RNF2: variants seen among roughly 807,000 people sequenced by gnomAD.
RNF2 encodes the protein ring finger protein 2.
RNF2 carries 6 observed loss-of-function variants against 37.2 expected under a neutral mutation model. The ratio of observed to expected loss-of-function variants is 0.16; its 90% confidence interval spans 0.09 to 0.32. The LOEUF is 0.32. Ranked by LOEUF, RNF2 falls within the 10% of genes least tolerant of loss-of-function variation. The pLI is 1.00. For missense variants in RNF2, 251 were observed against 404.0 expected (o/e 0.62, Z 3.25); for synonymous variants, 133 against 132.7 (o/e 1.00, Z -0.02).
rs3036553 is a variant in RNF2, at chr1:185,082,345, C to CTTTTTTTTTTTT, written c.-2-5196_-2-5185dup. Among the ~76,000 whole-genome samples the CTTTTTTTTTTTT allele has an allele frequency of 5.0e-3, 363 of 71,944 alleles. 61 individuals carry two copies. Among genetic ancestry groups the CTTTTTTTTTTTT allele is most frequent in the South Asian group, 0.01 (20 of 1,930 alleles). 47.2% of individuals were successfully genotyped at this position (71,944 alleles called of 152,430 possible). Reference sequence around the variant, plus strand: ...CAAGGTTCTTGTCTCCTCTGCAGAACTTTTTTTTTTTTTTTTTTTTTTGAA... The same window carrying CTTTTTTTTTTTT: ...CAAGGTTCTTGTCTCCTCTGCAGAACTTTTTTTTTTTTTTTTTTTTTTTTTTTTTTTTTTGAA... On this transcript the variant is annotated intron_variant, in intron 1 of 6. Coordinates refer to ENST00000367510, the MANE Select transcript of RNF2 (RefSeq NM_007212.4).
At chr1:185,092,072 A>G (rs994701263) in intron 3 of RNF2, 2 of 184,792 alleles carry the variant, frequency 1.1e-5, no homozygotes, top group African/African-American at 4.8e-5. Context: ...CAGGTAATCC[A>G]CCCGCCTCAG....
intron 1 of RNF2, among the ~76,000 whole-genome samples, chr1:185,082,454 G>A (rs547938678): frequency 6.0e-5 from 9 of 149,344 alleles, no homozygotes; most frequent in African/African-American, 1.2e-4. Flanking sequence ...AGGTTCAAGC[G>A]ATCCTCCTGC....
At chr1:185,059,788 T>C (rs1227959838) in intron 1 of RNF2, among the ~76,000 whole-genome samples, 1 of 152,232 alleles carries the variant, frequency 6.6e-6, no homozygotes, top group Non-Finnish European at 1.5e-5. Flanking sequence ...ATGAAAATTA[T>C]ATTTTTATCT....
At chr1:185,050,819 C>T (rs541646978) in intron 1 of RNF2, among the ~76,000 whole-genome samples, 2 of 152,318 alleles carry the variant, frequency 1.3e-5, no homozygotes, top group Admixed American at 1.3e-4. Flanking sequence ...TTTTGACAGG[C>T]ATTCCTTTTG....
At chr1:185,054,374 C>T (rs1205527017) in intron 1 of RNF2, among the ~76,000 whole-genome samples, 1 of 152,166 alleles carries the variant, frequency 6.6e-6, no homozygotes, top group African/African-American at 2.4e-5. Context: ...GCATCAGAAG[C>T]GACTCCGGAG....
chr1:185,055,846 C>A lies in RNF2; in HGVS notation c.-3+10197C>A, dbSNP rs1457695353. On this transcript the variant is annotated intron_variant, in intron 1 of 6. Coordinates refer to ENST00000367510, the MANE Select transcript of RNF2 (RefSeq NM_007212.4). ...ATGAACCTATCCTTTTGTCCTTGAT[C>A]TTAAAATTTTTAGTTAGCATATTTG... Among the ~76,000 whole-genome samples, 3 of 149,728 alleles carry A rather than the reference C, an allele frequency of 2.0e-5. No homozygotes were observed. In the East Asian group the frequency reaches 6.3e-4, roughly 31 times the overall value.
chr1:185,089,108 A>G (rs985700153), intron 2 of RNF2, among the ~76,000 whole-genome samples: 22 of 152,168 alleles, frequency 1.4e-4, no homozygotes, highest in African/African-American at 5.3e-4. Context: ...TCAGATCATC[A>G]GGCATTAGAT....
At chr1:185,090,930 T>A (rs987701993) in intron 2 of RNF2, among the ~76,000 whole-genome samples, 1 of 152,264 alleles carries the variant, frequency 6.6e-6, no homozygotes, top group African/African-American at 2.4e-5. Context: ...CAATACATTT[T>A]ATACTTTGGA....
chr1:185,093,302 G>T (rs1277153078), intron 4 of RNF2, 26 bp downstream of exon 4: 1 of 1,596,626 alleles, frequency 6.3e-7, no homozygotes, highest in East Asian at 2.3e-5. Flanking sequence ...GGTCAGAGAG[G>T]GTAGCTGTTT....
intron 1 of RNF2, among the ~76,000 whole-genome samples, chr1:185,074,517 A>C (rs1041029597): frequency 6.6e-5 from 10 of 152,182 alleles, no homozygotes; most frequent in African/African-American, 2.4e-4. Context: ...TATGAATAAG[A>C]AAAGTGGCTC....
Position 185,100,076 on chromosome 1 carries a change from A to G in RNF2, c.909+114A>G, listed in dbSNP as rs1249010406. ...AATGTAAAAAACCGTAACAGTGTTA[A>G]GTGACAAGTAGTTATTCCTAAGATT... is the stretch of plus-strand genomic sequence containing the variant. On this transcript the variant is annotated intron_variant, in intron 6 of 6. Transcript: ENST00000367510. 3.3e-6 allele frequency: 4 copies of G among 1,199,744 alleles called. No homozygotes were observed. The Admixed American group carries it at 9.6e-5, about 29-fold the overall frequency. The allele number at this position is 1,199,744 out of a possible 1,614,324, so 74.3% of individuals were successfully genotyped here. A position where few individuals can be genotyped will look rare whatever the true frequency, so the allele number is the denominator to read the frequency against.
At chr1:185,069,152 A>G (rs1245422986) in intron 1 of RNF2, among the ~76,000 whole-genome samples, 1 of 152,084 alleles carries the variant, frequency 6.6e-6, no homozygotes, top group Admixed American at 6.6e-5. Context: ...TTTCACCTAT[A>G]CTATTGAAAA....
At chr1:185,081,131 T>C (rs1048764366) in intron 1 of RNF2, among the ~76,000 whole-genome samples, 4 of 152,202 alleles carry the variant, frequency 2.6e-5, no homozygotes, top group Admixed American at 2.6e-4. Flanking sequence ...AAAACTAGGC[T>C]CAAACACATC....
At chr1:185,056,619 C>T (rs1010429175) in intron 1 of RNF2, among the ~76,000 whole-genome samples, 1 of 152,166 alleles carries the variant, frequency 6.6e-6, no homozygotes, top group African/African-American at 2.4e-5. Flanking sequence ...GATCCTCCCT[C>T]CTTGGCCTCC....
intron 6 of RNF2, 36 bp downstream of exon 6, chr1:185,099,998 A>C (rs1309260220): frequency 6.3e-7 from 1 of 1,579,822 alleles, no homozygotes; most frequent in Admixed American, 1.7e-5. Context: ...TGAAACTGGG[A>C]GCACACTGAC....
chr1:185,068,725 G>T (rs1348107859), intron 1 of RNF2, among the ~76,000 whole-genome samples: 2 of 152,192 alleles, frequency 1.3e-5, no homozygotes, highest in Non-Finnish European at 2.9e-5. Flanking sequence ...CTTCAAATTT[G>T]TGATAATGTT....
At chr1:185,050,894 T>A (rs1321005067) in intron 1 of RNF2, among the ~76,000 whole-genome samples, 1 of 152,246 alleles carries the variant, frequency 6.6e-6, no homozygotes, top group Non-Finnish European at 1.5e-5. Flanking sequence ...AATCTCAAGG[T>A]ATTTCGGTGT....
chr1:185,077,232 A>G (rs1651193346), intron 1 of RNF2, among the ~76,000 whole-genome samples: 1 of 151,930 alleles, frequency 6.6e-6, no homozygotes, highest in South Asian at 2.1e-4. Context: ...ATAGTTAGCT[A>G]TCATTATTTG....
chr1:185,087,733 TAATA>T, intron 2 of RNF2, 93 bp downstream of exon 2: 1 of 886,196 alleles, frequency 1.1e-6, no homozygotes, highest in Non-Finnish European at 1.8e-6. Context: ...CATAGAGTAA[TAATA>T]AATTTATATT....
Sources: allele counts gnomAD v4.1 joint callset (sites outside exome capture counted in the v4.1 genomes callset), GRCh38; gene constraint gnomAD v4.1.1; transcripts MANE v1.5; gene names NCBI Gene and HGNC (gene_info 2026-07-23, HGNC 2026-07-21).